CA1: variants seen among roughly 807,000 people sequenced by gnomAD.
The protein encoded by CA1 is carbonic anhydrase 1, also known as carbonate dehydratase I.
In CA1, 27 loss-of-function variants were observed where a neutral mutation model predicts 28.8. That is an observed-to-expected ratio of 0.94 (90% confidence interval 0.69 to 1.29). The LOEUF (loss-of-function observed/expected upper bound fraction) is 1.29, where lower values mean the gene tolerates loss of function less well. Ranked by LOEUF, CA1 falls within the 50% of genes most tolerant of loss-of-function variation. The probability of loss-of-function intolerance (pLI) is 0.00; values close to 1 mark genes in which losing one functional copy is unlikely to be tolerated. For synonymous variants in CA1, 121 were observed against 108.8 expected, an observed-to-expected ratio of 1.11 and a Z score of -0.70; for missense variants, 335 against 310.5, an observed-to-expected ratio of 1.08 and a Z score of -0.59.
chr8:85,375,670 G>T (rs940097362), intron 1 of CA1, among the ~76,000 whole-genome samples: 1 of 152,162 alleles, frequency 6.6e-6, no homozygotes, highest in Non-Finnish European at 1.5e-5. Flanking sequence ...TCCAGAGCAC[G>T]GAGAAAGTTC....
chr8:85,333,164 TTAA>T (rs1259245375), intron 5 of CA1, among the ~76,000 whole-genome samples: 1 of 152,144 alleles, frequency 6.6e-6, no homozygotes, highest in Non-Finnish European at 1.5e-5. Context: ...GGTTTCCTTA[TTAA>T]TATTTAATAA....
Position 85,331,334 on chromosome 8 carries a change from T to C in CA1, c.513+1156A>G, listed in dbSNP as rs56000993. 8.0e-3 allele frequency among the ~76,000 whole-genome samples: 1,219 copies of C among 152,248 alleles called. 15 individuals are homozygous for C. Among genetic ancestry groups the C allele is most frequent in the African/African-American group, 0.028 (1,154 of 41,576 alleles). On this transcript the variant is annotated intron_variant, in intron 6 of 7. Coordinates refer to ENST00000523022, the MANE Select transcript of CA1 (RefSeq NM_001128831.4). ...ATAATGTTTTATATGTACGGCTTTT[T>C]TTCTCTTTATCCAGCTTCCCCAAAG...
chr8:85,333,581 G>C lies in CA1; in HGVS notation c.394C>G (p.Leu132Val). 1.2e-6 allele frequency: 2 copies of C among 1,612,826 alleles called. No homozygotes were observed. The highest frequency in any genetic ancestry group is 2.2e-5 in the South Asian group (2 of 91,052). Residue 132 changes from leucine to valine, a missense_variant, in exon 5 of 8, where the codon CTT (leucine) becomes GTT (valine). By Grantham distance (32) the Leu-to-Val change is conservative. Coordinates refer to ENST00000523022, the MANE Select transcript of CA1 (RefSeq NM_001128831.4). ...TCAGCCTTTGAGGCAGCTTCAGCAA[G>C]GCTGGAGTACTTTGCAGAATTCCAG... ...AHWNSAKYSSLAEAASKADGL... is the reference protein window; with the variant it reads ...AHWNSAKYSSVAEAASKADGL...
intron 1 of CA1, among the ~76,000 whole-genome samples, chr8:85,343,862 C>A (rs1809023425): frequency 6.6e-6 from 1 of 151,492 alleles, no homozygotes; most frequent in South Asian, 2.1e-4. Flanking sequence ...CTTTATAAGT[C>A]CAAACACCCT....
At chr8:85,344,466 G>A (rs1000013899) in intron 1 of CA1, among the ~76,000 whole-genome samples, 4 of 149,834 alleles carry the variant, frequency 2.7e-5, no homozygotes, top group African/African-American at 4.9e-5. Flanking sequence ...TTTCAAAAAA[G>A]CATTTCTTCA....
At chr8:85,376,684 A>C (rs1300433833) in intron 1 of CA1, among the ~76,000 whole-genome samples, 1 of 150,828 alleles carries the variant, frequency 6.6e-6, no homozygotes, top group Middle Eastern at 3.2e-3. Flanking sequence ...TAAATAAATA[A>C]ATAAATAAAT....
intron 1 of CA1, chr8:85,373,385 C>G (rs1810302335): frequency 6.6e-6 from 1 of 152,296 alleles, no homozygotes; most frequent in Non-Finnish European, 1.5e-5. Context: ...CAGTAGCAGC[C>G]TATGGCTACA....
In CA1 at chr8:85,344,234, TA is replaced by T. The variant is rs1564029534; in HGVS notation, c.-24-2576del. ...ATATAATTATATTATATACAGTATA[TA>T]ATATATAATTATATATTATATACAG... On this transcript the variant is annotated intron_variant, in intron 1 of 7. Transcript: ENST00000523022. Among the ~76,000 whole-genome samples, 8 of 104,150 alleles carry T rather than the reference TA, an allele frequency of 7.7e-5. No individual in the cohort carries two copies. In the East Asian group the frequency reaches 1.3e-3, roughly 17 times the overall value. The allele number at this position is 104,150 out of a possible 152,430, so 68.3% of individuals were successfully genotyped here. A position where few individuals can be genotyped will look rare whatever the true frequency, so the allele number is the denominator to read the frequency against.
chr8:85,353,901 A>T (rs1345628539), intron 1 of CA1, among the ~76,000 whole-genome samples: 1 of 152,128 alleles, frequency 6.6e-6, no homozygotes, highest in Admixed American at 6.6e-5. Flanking sequence ...CTTCTCAATG[A>T]CTTCTCACTG....
intron 1 of CA1, among the ~76,000 whole-genome samples, chr8:85,376,215 C>G (rs964638411): frequency 1.3e-5 from 2 of 152,066 alleles, no homozygotes; most frequent in African/African-American, 4.8e-5. Context: ...CTTGTAATCC[C>G]AGCTACTCGG....
chr8:85,331,614 G>A (rs982667009), intron 6 of CA1, among the ~76,000 whole-genome samples: 8 of 151,852 alleles, frequency 5.3e-5, no homozygotes, highest in African/African-American at 9.7e-5. Flanking sequence ...GCGCCACCAC[G>A]CCCAGCTAAT....
chr8:85,331,950 C>G (rs1808424739), intron 6 of CA1, among the ~76,000 whole-genome samples: 2 of 151,992 alleles, frequency 1.3e-5, no homozygotes, highest in African/African-American at 2.4e-5. Context: ...TCATTTTACA[C>G]AAATATATGA....
At chr8:85,339,842 C>T (rs1564026114) in intron 2 of CA1, among the ~76,000 whole-genome samples, 1 of 152,194 alleles carries the variant, frequency 6.6e-6, no homozygotes, top group Non-Finnish European at 1.5e-5. Context: ...TCCCTTAAGC[C>T]GAATCCTAAT....
intron 1 of CA1, among the ~76,000 whole-genome samples, chr8:85,372,008 A>G (rs747458790): frequency 3.3e-5 from 5 of 152,214 alleles, no homozygotes; most frequent in Non-Finnish European, 4.4e-5. Flanking sequence ...AGAAAGACAT[A>G]TAAGTAAATA....
intron 1 of CA1, among the ~76,000 whole-genome samples, chr8:85,368,807 G>C (rs1263643652): frequency 1.3e-5 from 2 of 152,126 alleles, no homozygotes; most frequent in African/African-American, 4.8e-5. Flanking sequence ...CTGTGCATCA[G>C]AGCCAGGAGG....
At chr8:85,372,727 T>A (rs1015035855) in intron 1 of CA1, among the ~76,000 whole-genome samples, 2 of 152,012 alleles carry the variant, frequency 1.3e-5, no homozygotes, top group East Asian at 1.9e-4. Context: ...AAACAATACG[T>A]TTTCAATTGC....
At chr8:85,372,142 G>A (rs764769200) in intron 1 of CA1, among the ~76,000 whole-genome samples, 17 of 151,962 alleles carry the variant, frequency 1.1e-4, no homozygotes, top group South Asian at 2.1e-4. Flanking sequence ...TTTTACAAGC[G>A]AGGAAACAAA....
In CA1 at chr8:85,358,766, A is replaced by G. The variant is rs1419750257; in HGVS notation, c.-24-17107T>C. 5.8e-4 allele frequency among the ~76,000 whole-genome samples: 89 copies of G among 152,226 alleles called. 2 individuals are homozygous for G. The highest frequency in any genetic ancestry group is 5.8e-3 in the Admixed American group (89 of 15,282). On this transcript the variant is annotated intron_variant, in intron 1 of 7. Transcript: ENST00000523022. ...TGATAAGTGCTTGTTTAGAACACAG[A>G]TGAGCCATGTGAGAAAGTCCTGCCT...
chr8:85,329,049 G>T (rs1465370432), intron 7 of CA1, among the ~76,000 whole-genome samples: 1 of 152,132 alleles, frequency 6.6e-6, no homozygotes, highest in African/African-American at 2.4e-5. Flanking sequence ...TCACTGTGTT[G>T]TTGTGAAGAT....
Sources: gnomAD v4.1 joint callset for allele counts (sites outside exome capture counted in the v4.1 genomes callset) on GRCh38, gnomAD v4.1.1 for gene constraint, MANE v1.5 for transcripts, NCBI Gene and HGNC (gene_info 2026-07-23, HGNC 2026-07-21) for gene names.